The following NTRK2 variants were observed in gnomAD, a reference collection of about 807,000 sequenced individuals.
NTRK2 encodes the protein BDNF/NT-3 growth factors receptor.
Under a neutral mutation model 94.5 loss-of-function variants are expected in NTRK2, and 13 were observed. The ratio of observed to expected loss-of-function variants is 0.14; its 90% CI spans 0.09 to 0.22. The LOEUF (loss-of-function observed/expected upper bound fraction) is 0.22. Ranked by LOEUF, NTRK2 falls within the 10% of genes least tolerant of loss-of-function variation. The probability of loss-of-function intolerance (pLI) is 1.00; values close to 1 mark genes in which losing one functional copy is unlikely to be tolerated. For synonymous variants in NTRK2, 372 were observed against 407.4 expected (o/e 0.91, Z 1.05); for missense variants, 639 against 1,071.2 (o/e 0.60, Z 5.63).
rs1832811060 is a variant in NTRK2, at chr9:85,022,042, G to C, written c.*605G>C. On this transcript the variant is annotated 3_prime_UTR_variant, in exon 19 of 19. Coordinates refer to ENST00000277120, the MANE Select transcript of NTRK2 (RefSeq NM_006180.6). ...AGCCTGTGTATAAAAAAGAAAACTT[G>C]TGTTCAATCTGTGAAGCCTTTATCT... 2 of 234,078 alleles carry C rather than the reference G, an allele frequency of 8.5e-6. No homozygotes were observed. Among genetic ancestry groups the C allele is most frequent in the East Asian group, 1.2e-4 (2 of 16,572 alleles). The allele number at this position is 234,078 out of a possible 1,614,324, so 14.5% of individuals were successfully genotyped here.
intron 12 of NTRK2, among the ~76,000 whole-genome samples, chr9:84,834,551 G>T (rs2073758056): frequency 6.6e-6 from 1 of 152,034 alleles, no homozygotes; most frequent in African/African-American, 2.4e-5. Flanking sequence ...GAGCATCTAG[G>T]AACCCCTAGA....
At chr9:84,971,399 G>A (rs1564514545) in intron 17 of NTRK2, among the ~76,000 whole-genome samples, 1 of 152,124 alleles carries the variant, frequency 6.6e-6, no homozygotes. Context: ...AACATTCTGA[G>A]GGCTATGAGA....
intron 12 of NTRK2, among the ~76,000 whole-genome samples, chr9:84,767,914 G>T (rs1170690476): frequency 6.6e-6 from 1 of 152,116 alleles, no homozygotes; most frequent in Non-Finnish European, 1.5e-5. Flanking sequence ...AAATGCTTAT[G>T]GGTTAGCAAA....
chr9:84,684,661 T>C (rs2059601190), intron 2 of NTRK2, among the ~76,000 whole-genome samples: 2 of 152,220 alleles, frequency 1.3e-5, no homozygotes, highest in Non-Finnish European at 2.9e-5. Context: ...GTCGTTGAAC[T>C]TTTGTTATCA....
At chr9:84,797,552 T>TTATATATAG (rs2069502342) in intron 12 of NTRK2, among the ~76,000 whole-genome samples, 1 of 61,116 alleles carries the variant, frequency 1.6e-5, no homozygotes, top group Non-Finnish European at 2.9e-5. Context: ...AATATATATA[T>TTATATATAG]TATATATACT....
chr9:84,772,060 T>C (rs78759627), intron 12 of NTRK2, among the ~76,000 whole-genome samples: 275 of 152,318 alleles, frequency 1.8e-3, no homozygotes, highest in African/African-American at 6.2e-3. Flanking sequence ...AATTTTATTT[T>C]CTTTCACTGT....
rs563972840 is a variant in NTRK2, at chr9:84,710,768, C to A, written c.560C>A (p.Ala187Glu). 2.8e-5 allele frequency: 46 copies of A among 1,614,150 alleles called. 1 individual carries two copies. In the South Asian group the frequency reaches 4.8e-4, roughly 17 times the overall value. The change falls in exon 6 of 19, where the codon GCA becomes GAA. Residue 187 changes from alanine (A) to glutamate (E), a missense_variant. By Grantham distance (107) the Ala-to-Glu change is moderately radical. This residue lies in a region of NTRK2 where 206 missense variants were observed against 251.5 expected (regional missense o/e 0.82). Transcript: ENST00000277120. Reference protein sequence around the residue: ...LNESSKNIPLANLQIPNCGLP... With the variant: ...LNESSKNIPLENLQIPNCGLP... The stretch of plus-strand genomic sequence containing the variant: ...GAAAGCAGCAAGAATATTCCCCTGG[C>A]AAACCTGCAGATACCCAATTGTGGT...
At chr9:84,811,190 C>T in intron 12 of NTRK2, 1 of 1,062,266 alleles carries the variant, frequency 9.4e-7, no homozygotes, top group Non-Finnish European at 1.1e-6. Flanking sequence ...AAGGTTATTT[C>T]CTTCACTGTC....
rs796588543 is a variant in NTRK2, at chr9:84,766,960, T to A, written c.1396+14875T>A. Among the ~76,000 whole-genome samples the A allele has an allele frequency of 2.2e-4, 34 of 152,276 alleles. 2 individuals are homozygous for A. The highest frequency in any genetic ancestry group is 8.2e-4 in the African/African-American group (34 of 41,564). On this transcript the variant is annotated intron_variant, in intron 12 of 18. Transcript: ENST00000277120. ...AGAATGATGGCTTGAGGTTTCTAGG[T>A]GTCTGCGGTTCCCCTGGGTCATAGT...
At chr9:84,713,303 T>A (rs145634987) in intron 6 of NTRK2, among the ~76,000 whole-genome samples, 1 of 152,176 alleles carries the variant, frequency 6.6e-6, no homozygotes, top group African/African-American at 2.4e-5. Flanking sequence ...GTGATAAATA[T>A]TCTCTTTTTA....
At chr9:84,833,451 AAAGG>A (rs1259405486) in intron 12 of NTRK2, among the ~76,000 whole-genome samples, 3 of 151,896 alleles carry the variant, frequency 2.0e-5, no homozygotes, top group Non-Finnish European at 2.9e-5. Flanking sequence ...GGAAAGAAAA[AAAGG>A]AAGGAAGGAA....
At chr9:84,900,263 C>G (rs2076887135) in intron 14 of NTRK2, among the ~76,000 whole-genome samples, 1 of 152,126 alleles carries the variant, frequency 6.6e-6, no homozygotes, top group African/African-American at 2.4e-5. Flanking sequence ...GACAACTATT[C>G]ATAGAGTGAC....
chr9:84,806,006 G>A (rs879554906), intron 12 of NTRK2, among the ~76,000 whole-genome samples: 4 of 152,174 alleles, frequency 2.6e-5, no homozygotes, highest in Non-Finnish European at 5.9e-5. Context: ...AAATTACCCA[G>A]TTTCAGATAT....
At chr9:84,721,301 A>G (rs567107050) in intron 6 of NTRK2, among the ~76,000 whole-genome samples, 4 of 151,482 alleles carry the variant, frequency 2.6e-5, no homozygotes, top group African/African-American at 7.3e-5. Context: ...TCAGCCTCCC[A>G]AGTAGCTGGG....
At position 85,023,740 on chromosome 9, in the gene NTRK2, G is replaced by A. The variant is rs1346316566; in HGVS notation, c.*2303G>A. The A allele has an allele frequency of 8.6e-6, 2 of 231,410 alleles. No homozygotes were observed. Among genetic ancestry groups the A allele is most frequent in the Non-Finnish European group, 1.7e-5 (2 of 117,046 alleles). 14.3% of individuals were successfully genotyped at this position (231,410 alleles called of 1,614,324 possible). On this transcript the variant is annotated 3_prime_UTR_variant, in exon 19 of 19. Coordinates refer to ENST00000277120, the MANE Select transcript of NTRK2 (RefSeq NM_006180.6). ...AAACACTGTAGAACTCTGTGACGCA[G>A]TAAGGAAGGGGCAGATTTGTACAAA...
intron 12 of NTRK2, among the ~76,000 whole-genome samples, chr9:84,854,934 G>A (rs1033651260): frequency 3.9e-5 from 5 of 126,618 alleles, no homozygotes; most frequent in African/African-American, 1.5e-4. Flanking sequence ...CCAACAGAGC[G>A]AGACTCCGTC....
At chr9:84,779,932 G>A (rs1172301793) in intron 12 of NTRK2, among the ~76,000 whole-genome samples, 1 of 152,130 alleles carries the variant, frequency 6.6e-6, no homozygotes, top group African/African-American at 2.4e-5. Flanking sequence ...AAGATACTCT[G>A]GACCACCAAC....
chr9:84,983,291 A>G (rs994007892), intron 17 of NTRK2, among the ~76,000 whole-genome samples: 2 of 152,212 alleles, frequency 1.3e-5, no homozygotes, highest in Non-Finnish European at 2.9e-5. Flanking sequence ...CCACTTAGGC[A>G]CAGGCTCTGT....
At chr9:84,721,084 A>AAT (rs1279924193) in intron 6 of NTRK2, among the ~76,000 whole-genome samples, 1 of 152,224 alleles carries the variant, frequency 6.6e-6, no homozygotes, top group East Asian at 1.9e-4. Flanking sequence ...ACCTGTAATT[A>AAT]ATACCATTTT....
Sources: gnomAD v4.1 joint callset for allele counts (sites outside exome capture counted in the v4.1 genomes callset) on GRCh38, gnomAD v4.1.1 for gene constraint, gnomAD v4.1.1 regional missense constraint, MANE v1.5 for transcripts, NCBI Gene and HGNC (gene_info 2026-07-23, HGNC 2026-07-21) for gene names.